Variants in TMOD3 observed in about 807,000 individuals in gnomAD.
TMOD3 encodes tropomodulin 3, also known as tropomodulin-3.
In TMOD3, 20 loss-of-function variants were observed where a neutral mutation model predicts 39.2. The observed-to-expected ratio is 0.51, with a 90% CI of 0.36 to 0.74. TMOD3 has a LOEUF of 0.74. TMOD3 is among the 30% of genes least tolerant of loss of function. The pLI, the probability that TMOD3 is intolerant of heterozygous loss-of-function variation, is 0.00. For synonymous variants in TMOD3, 143 were observed against 145.8 expected, an observed-to-expected ratio of 0.98 and a Z score of 0.14; for missense variants, 381 against 412.8, an observed-to-expected ratio of 0.92 and a Z score of 0.67.
intron 1 of TMOD3, chr15:51,858,069 T>TA (rs1205525607): frequency 6.6e-6 from 1 of 152,202 alleles, no homozygotes; most frequent in Non-Finnish European, 1.5e-5. Context: ...TATTTATTTT[T>TA]AGAGACAGGA....
At chr15:51,864,110 C>A (rs1392887285) in intron 2 of TMOD3, among the ~76,000 whole-genome samples, 2 of 151,724 alleles carry the variant, frequency 1.3e-5, no homozygotes, top group East Asian at 3.9e-4. Flanking sequence ...ACTAAATATA[C>A]AAAAATTAGC....
intron 7 of TMOD3, among the ~76,000 whole-genome samples, chr15:51,897,793 A>C (rs535815319): frequency 2.6e-3 from 390 of 151,012 alleles, no homozygotes; most frequent in African/African-American, 8.9e-3. Flanking sequence ...AAAAAAAAAA[A>C]AAAAACAAAA....
At chr15:51,830,280 C>T (rs1180367314) in intron 1 of TMOD3, among the ~76,000 whole-genome samples, 1 of 152,144 alleles carries the variant, frequency 6.6e-6, no homozygotes, top group Non-Finnish European at 1.5e-5. Flanking sequence ...AAACTTAGGG[C>T]ACACCCTTTT....
At chr15:51,868,418 T>C (rs2141688749) in intron 2 of TMOD3, among the ~76,000 whole-genome samples, 1 of 152,322 alleles carries the variant, frequency 6.6e-6, no homozygotes, top group South Asian at 2.1e-4. Context: ...CTGTTAGTTA[T>C]TTTTCCTGAT....
chr15:51,886,352 G>A (rs900988770), intron 3 of TMOD3, among the ~76,000 whole-genome samples: 6 of 152,306 alleles, frequency 3.9e-5, no homozygotes, highest in East Asian at 1.9e-4. Context: ...CCGAGATCAC[G>A]CCACTGCACT....
Position 51,901,883 on chromosome 15 carries a change from T to G in TMOD3, c.880-9T>G, listed in dbSNP as rs753408565. The stretch of plus-strand genomic sequence containing the variant: ...TATTAATATTGTTCTTTTTTTCTAA[T>G]TACTCCAGAGGCAGCAGTTGGGGAC... On this transcript the variant is annotated splice_polypyrimidine_tract_variant and intron_variant, in intron 8 of 9. Coordinates refer to ENST00000308580, the MANE Select transcript of TMOD3 (RefSeq NM_014547.5). 3 of 1,606,414 alleles carry G rather than the reference T, an allele frequency of 1.9e-6. No homozygotes were observed. The highest frequency in any genetic ancestry group is 2.5e-6 in the Non-Finnish European group (3 of 1,178,160).
At chr15:51,876,800 A>G (rs1039708963) in intron 3 of TMOD3, among the ~76,000 whole-genome samples, 1 of 152,102 alleles carries the variant, frequency 6.6e-6, no homozygotes, top group Non-Finnish European at 1.5e-5. Flanking sequence ...CCGTCCAGGC[A>G]TGATGGCTCA....
Position 51,912,573 on chromosome 15 carries a change from C to T in TMOD3, c.*3763C>T, listed in dbSNP as rs1279664691. On this transcript the variant is annotated 3_prime_UTR_variant, in exon 10 of 10. Transcript: ENST00000308580. ...CATTTTAGGGTCTGTGTTCCCAGGG[C>T]TGCCTCACTTTTTCCCTAAAAAACT... is the stretch of plus-strand genomic sequence containing the variant. 2 of 151,936 alleles carry T rather than the reference C, an allele frequency of 1.3e-5. No homozygotes were observed. Among genetic ancestry groups the T allele is most frequent in the African/African-American group, 4.8e-5 (2 of 41,352 alleles). 9.4% of individuals were successfully genotyped at this position (151,936 alleles called of 1,614,324 possible). A position where few individuals can be genotyped will look rare whatever the true frequency, so the allele number is the denominator to read the frequency against.
At chr15:51,863,882 A>AT (rs1237060618) in intron 2 of TMOD3, among the ~76,000 whole-genome samples, 1 of 152,116 alleles carries the variant, frequency 6.6e-6, no homozygotes, top group Non-Finnish European at 1.5e-5. Context: ...TTGGAGGGGG[A>AT]TTACTCAGGA....
chr15:51,849,383 G>A (rs2056350358), intron 1 of TMOD3, among the ~76,000 whole-genome samples: 1 of 152,188 alleles, frequency 6.6e-6, no homozygotes, highest in South Asian at 2.1e-4. Flanking sequence ...ATGGAATTCA[G>A]GAGAGAGGTC....
chr15:51,872,329 A>C (rs2623272), intron 3 of TMOD3, among the ~76,000 whole-genome samples: 1 of 151,986 alleles, frequency 6.6e-6, no homozygotes, highest in African/African-American at 2.4e-5. Flanking sequence ...GGAGGCGGAG[A>C]TTGCAGTGAG....
intron 3 of TMOD3, among the ~76,000 whole-genome samples, chr15:51,887,018 A>G (rs2056568156): frequency 6.6e-6 from 1 of 152,042 alleles, no homozygotes; most frequent in African/African-American, 2.4e-5. Flanking sequence ...CAGTAGTTTG[A>G]GACCAGCCTG....
chr15:51,896,607 C>A, intron 7 of TMOD3, 81 bp downstream of exon 7: 1 of 1,011,810 alleles, frequency 9.9e-7, no homozygotes, highest in Non-Finnish European at 1.5e-6. Context: ...ACAAGATTTA[C>A]CCCTTTTTTA....
intron 1 of TMOD3, among the ~76,000 whole-genome samples, chr15:51,856,359 A>G (rs1423002496): frequency 1.3e-5 from 2 of 152,148 alleles, no homozygotes; most frequent in Non-Finnish European, 2.9e-5. Flanking sequence ...CAGAATTGAA[A>G]CTTTGAACTT....
intron 7 of TMOD3, chr15:51,899,218 A>C (rs886270230): frequency 2.6e-5 from 4 of 152,246 alleles, no homozygotes; most frequent in African/African-American, 9.6e-5. Context: ...AAGATGTTAC[A>C]GCGACATTGA....
chr15:51,881,971 T>C (rs2056537179), intron 3 of TMOD3, among the ~76,000 whole-genome samples: 1 of 151,546 alleles, frequency 6.6e-6, no homozygotes, highest in Non-Finnish European at 1.5e-5. Context: ...CTCAGCTCAC[T>C]GCAACCTCCG....
chr15:51,907,603 A>G (rs1459404158), intron 9 of TMOD3, among the ~76,000 whole-genome samples: 1 of 152,228 alleles, frequency 6.6e-6, no homozygotes, highest in African/African-American at 2.4e-5. Context: ...CAAACAGCCA[A>G]TTTAGGCCAA....
At chr15:51,835,464 A>G (rs377456646) in intron 1 of TMOD3, among the ~76,000 whole-genome samples, 9 of 152,160 alleles carry the variant, frequency 5.9e-5, no homozygotes, top group Non-Finnish European at 1.0e-4. Context: ...ATGCACCACC[A>G]TAACTGGCTA....
At chr15:51,864,264 C>A (rs1178045895) in intron 2 of TMOD3, among the ~76,000 whole-genome samples, 398 of 103,720 alleles carry the variant, frequency 3.8e-3, no homozygotes, top group South Asian at 5.0e-3. Context: ...AGACTTATCT[C>A]AAAAAAAAAA....
Sources: gnomAD v4.1 joint callset for allele counts (sites outside exome capture counted in the v4.1 genomes callset) on GRCh38, gnomAD v4.1.1 for gene constraint, MANE v1.5 for transcripts, NCBI Gene and HGNC (gene_info 2026-07-23, HGNC 2026-07-21) for gene names.